The following CSMD1 variants were observed in gnomAD, a reference collection of about 807,000 sequenced individuals.
CSMD1 encodes the protein CUB and sushi domain-containing protein 1.
In CSMD1, 213 loss-of-function variants were observed where a neutral mutation model predicts 417.5. That is an observed-to-expected ratio of 0.51 (90% CI 0.46 to 0.57). CSMD1 has a LOEUF of 0.57. Ranked by LOEUF, CSMD1 falls within the 20% of genes least tolerant of loss-of-function variation. The pLI is 0.00. For missense variants in CSMD1, 6,923 were observed against 4,529.7 expected, an observed-to-expected ratio of 1.53 and a Z score of -15.17; for synonymous variants, 2,862 against 1,736.8, an observed-to-expected ratio of 1.65 and a Z score of -16.11.
Position 4,819,503 on chromosome 8 carries a change from C to G in CSMD1, c.85+174829G>C, listed in dbSNP as rs1799399464. ...TAATACATATATGCTATATAGGACC[C>G]TATATTAATTCTGATTTTATTTTCC... On this transcript the variant is annotated intron_variant, in intron 1 of 69. Coordinates refer to ENST00000635120, the MANE Select transcript of CSMD1 (RefSeq NM_033225.6). Among the ~76,000 whole-genome samples the G allele has an allele frequency of 2.0e-5, 3 of 152,104 alleles. No homozygotes were observed. The South Asian group carries it at 6.2e-4, about 32-fold the overall frequency.
chr8:4,026,062 T>A (rs144464514), intron 4 of CSMD1, among the ~76,000 whole-genome samples: 11 of 151,452 alleles, frequency 7.3e-5, no homozygotes, highest in African/African-American at 2.4e-4. Flanking sequence ...TAAGTATTAA[T>A]AGAACTTTGG....
At chr8:3,972,751 A>T (rs1282002364) in intron 5 of CSMD1, among the ~76,000 whole-genome samples, 2 of 152,262 alleles carry the variant, frequency 1.3e-5, no homozygotes, top group Non-Finnish European at 2.9e-5. Context: ...AGCTAAAAGC[A>T]TTAAAAATGT....
intron 10 of CSMD1, among the ~76,000 whole-genome samples, chr8:3,553,805 C>G (rs1270308309): frequency 6.6e-6 from 1 of 152,120 alleles, no homozygotes; most frequent in African/African-American, 2.4e-5. Context: ...CAAATAATTT[C>G]ACAGAATATT....
chr8:3,149,933 G>A (rs933769147), intron 40 of CSMD1, among the ~76,000 whole-genome samples: 6 of 152,206 alleles, frequency 3.9e-5, no homozygotes, highest in East Asian at 3.9e-4. Context: ...ACAAGGCTCC[G>A]GTCCTTAAGA....
chr8:3,032,027 A>G (rs1313939559), intron 50 of CSMD1, among the ~76,000 whole-genome samples: 1 of 151,436 alleles, frequency 6.6e-6, no homozygotes, highest in Non-Finnish European at 1.5e-5. Flanking sequence ...GCTTTGAAAA[A>G]TAGCCTGCCA....
intron 3 of CSMD1, among the ~76,000 whole-genome samples, chr8:4,338,367 T>A (rs1800292005): frequency 6.6e-6 from 1 of 152,076 alleles, no homozygotes; most frequent in South Asian, 2.1e-4. Flanking sequence ...CATACAAAAA[T>A]ATCTTATGTT....
chr8:3,731,710 G>T (rs1416220876), intron 6 of CSMD1, among the ~76,000 whole-genome samples: 1 of 152,156 alleles, frequency 6.6e-6, no homozygotes, highest in Non-Finnish European at 1.5e-5. Context: ...TGGGTCAGAG[G>T]CTTAGAGCAC....
At chr8:3,486,716 T>C (rs945747019) in intron 11 of CSMD1, among the ~76,000 whole-genome samples, 10 of 152,244 alleles carry the variant, frequency 6.6e-5, no homozygotes, top group African/African-American at 1.9e-4. Flanking sequence ...TCTTCTTCCC[T>C]GTAGGAAGGT....
chr8:4,162,017 G>C (rs114534139), intron 3 of CSMD1, among the ~76,000 whole-genome samples: 1 of 151,994 alleles, frequency 6.6e-6, no homozygotes, highest in Non-Finnish European at 1.5e-5. Flanking sequence ...TTCTGTATTT[G>C]CCTTCGACTT....
At chr8:4,718,867 T>A (rs1201823753) in intron 1 of CSMD1, among the ~76,000 whole-genome samples, 1 of 151,988 alleles carries the variant, frequency 6.6e-6, no homozygotes, top group Non-Finnish European at 1.5e-5. Context: ...TACCAAAATG[T>A]AAATGAATGA....
At chr8:4,226,682 T>C (rs565710846) in intron 3 of CSMD1, among the ~76,000 whole-genome samples, 55 of 152,168 alleles carry the variant, frequency 3.6e-4, no homozygotes, top group Non-Finnish European at 6.6e-4. Context: ...AATGTATTCC[T>C]TTAAAAATTT....
chr8:3,598,950 G>A (rs1366219730), intron 8 of CSMD1, among the ~76,000 whole-genome samples: 1 of 152,092 alleles, frequency 6.6e-6, no homozygotes, highest in African/African-American at 2.4e-5. Context: ...GCATGGTGGA[G>A]TGCACCTGTA....
At chr8:4,586,286 G>T (rs1414160164) in intron 2 of CSMD1, among the ~76,000 whole-genome samples, 1 of 152,134 alleles carries the variant, frequency 6.6e-6, no homozygotes, top group East Asian at 1.9e-4. Context: ...GTACCCATCA[G>T]CCATTCCCAA....
intron 7 of CSMD1, among the ~76,000 whole-genome samples, chr8:3,646,649 C>T (rs143460104): frequency 5.3e-4 from 81 of 152,290 alleles, no homozygotes; most frequent in Non-Finnish European, 9.6e-4. Context: ...CTGCCAAAGC[C>T]GTGCTCAGAG....
At chr8:4,574,068 G>A (rs934265288) in intron 2 of CSMD1, among the ~76,000 whole-genome samples, 2 of 152,106 alleles carry the variant, frequency 1.3e-5, no homozygotes, top group African/African-American at 2.4e-5. Flanking sequence ...CTCCATGGGG[G>A]TGGGACCCAC....
chr8:3,427,870 A>T (rs1038303954), intron 12 of CSMD1, among the ~76,000 whole-genome samples: 11 of 152,244 alleles, frequency 7.2e-5, no homozygotes, highest in Admixed American at 6.5e-4. Context: ...ATTACTGTCA[A>T]TGTGTAATGT....
intron 5 of CSMD1, among the ~76,000 whole-genome samples, chr8:3,836,927 T>A (rs1398194785): frequency 3.3e-5 from 5 of 152,042 alleles, no homozygotes; most frequent in Non-Finnish European, 5.9e-5. Flanking sequence ...CCTAGTTAAA[T>A]CTCAATGCAC....
At chr8:4,093,447 C>G (rs1002859218) in intron 3 of CSMD1, among the ~76,000 whole-genome samples, 1 of 152,096 alleles carries the variant, frequency 6.6e-6, no homozygotes, top group East Asian at 1.9e-4. Flanking sequence ...CCCCTTGAAT[C>G]TGAATATCTG....
At chr8:3,507,576 C>A (rs780460025) in intron 10 of CSMD1, among the ~76,000 whole-genome samples, 7 of 152,168 alleles carry the variant, frequency 4.6e-5, no homozygotes, top group Non-Finnish European at 8.8e-5. Flanking sequence ...TGAGGAATCG[C>A]CACACTGACT....
Sources: gnomAD v4.1 joint callset for allele counts (sites outside exome capture counted in the v4.1 genomes callset) on GRCh38, gnomAD v4.1.1 for gene constraint, MANE v1.5 for transcripts, NCBI Gene and HGNC (gene_info 2026-07-23, HGNC 2026-07-21) for gene names.